EIF4A2: variants seen among roughly 807,000 people sequenced by gnomAD.
EIF4A2 encodes eukaryotic translation initiation factor 4A2.
In EIF4A2, 9 loss-of-function variants were observed where a neutral mutation model predicts 50.6. The observed-to-expected ratio is 0.18, with a 90% CI of 0.11 to 0.31. The LOEUF is 0.31. Ranked by LOEUF, EIF4A2 falls within the 10% of genes least tolerant of loss-of-function variation. The probability of loss-of-function intolerance (pLI) is 1.00; values close to 1 mark genes in which losing one functional copy is unlikely to be tolerated. For missense variants in EIF4A2, 182 were observed against 501.8 expected (o/e 0.36, Z 6.09); for synonymous variants, 215 against 164.4 (o/e 1.31, Z -2.35).
chr3:186,788,568 T>C (rs1418345486), intron 10 of EIF4A2: 3 of 543,434 alleles, frequency 5.5e-6, no homozygotes, highest in East Asian at 1.5e-4. Flanking sequence ...GGTAGCTGTT[T>C]GGCAGTTAAA....
chr3:186,784,201 G>A (rs978373993), intron 1 of EIF4A2: 4 of 597,582 alleles, frequency 6.7e-6, no homozygotes, highest in African/African-American at 3.7e-5. Flanking sequence ...GAGACGCTCC[G>A]CAGTTGAAAC....
chr3:186,783,784 C>T, intron 1 of EIF4A2, 145 bp downstream of exon 1: 2 of 1,326,258 alleles, frequency 1.5e-6, no homozygotes, highest in Non-Finnish European at 2.1e-6. Context: ...CAGAAGCTTC[C>T]ATGATGGGTA....
In EIF4A2 at chr3:186,784,565, G is replaced by C. The variant is rs1169693407; in HGVS notation, c.77G>C (p.Ser26Thr). 1 of 1,614,064 alleles carries C rather than the reference G, an allele frequency of 6.2e-7. No individual in the cohort carries two copies. The highest frequency in any genetic ancestry group is 8.5e-7 in the Non-Finnish European group (1 of 1,180,004). ...EGMDPDGVIE[S>T]NWNEIVDNFD... ...TGCATTATTTTTTCTAACTTACAGA[G>C]CAACTGGAATGAGATTGTTGATAAC... Residue 26 changes from serine (S) to threonine (T), a missense_variant and splice_region_variant, in exon 3 of 11, where the codon AGC becomes ACC. Physicochemically the swap from Ser to Thr is moderately conservative, Grantham distance 58 (BLOSUM62 1). Around this residue, in one of 7 missense-constraint regions of EIF4A2, gnomAD observed 113 missense variants for 357.3 expected, o/e 0.32. Coordinates refer to ENST00000323963, the MANE Select transcript of EIF4A2 (RefSeq NM_001967.4).
rs1168455478 is a variant in EIF4A2, at chr3:186,786,654, C to T, written c.771+9C>T. 3 of 1,613,398 alleles carry T rather than the reference C, an allele frequency of 1.9e-6. No individual in the cohort carries two copies. Among genetic ancestry groups the T allele is most frequent in the Admixed American group, 1.7e-5 (1 of 59,982 alleles). On this transcript the variant is annotated intron_variant, in intron 7 of 10. Transcript: ENST00000323963. ...TTAATGTTGAGAGAGAGGTAACTGT[C>T]TGATTGTTAGACATTATTTTACCTT... is the stretch of plus-strand genomic sequence containing the variant.
At position 186,783,627 on chromosome 3, in the gene EIF4A2, C is replaced by T. The variant is rs1721494637; in HGVS notation, c.17C>T (p.Ala6Val). ...TTTCGGATCATGTCTGGTGGCTCCG[C>T]GGATTATAACAGGTATGCAGTCTGT... MSGGS[A>V]DYNREHGGPE... Residue 6 changes from alanine to valine, a missense_variant, in exon 1 of 11, where the codon GCG (alanine) becomes GTG (valine). Transcript: ENST00000323963. 6 of 1,614,104 alleles carry T rather than the reference C, an allele frequency of 3.7e-6. No homozygotes were observed. The highest frequency in any genetic ancestry group is 1.1e-5 in the South Asian group (1 of 91,086).
chr3:186,784,531 A>G (rs1220232981), intron 2 of EIF4A2, 33 bp from the exon 3 acceptor site: 5 of 1,614,076 alleles, frequency 3.1e-6, no homozygotes, highest in African/African-American at 2.7e-5. Context: ...TGTTCATCTC[A>G]TTTATGCGTG....
Position 186,783,591 on chromosome 3 carries a change from G to C in EIF4A2, c.-20G>C, listed in dbSNP as rs374957035. On this transcript the variant is annotated 5_prime_UTR_variant, in exon 1 of 11. Coordinates refer to ENST00000323963, the MANE Select transcript of EIF4A2 (RefSeq NM_001967.4). Reference sequence around the variant, plus strand: ...GGCGCCGCTGTCTTTTCAGTCGGGCGCTGAGTGGTTTTTCGGATCATGTCT... The same window carrying C: ...GGCGCCGCTGTCTTTTCAGTCGGGCCCTGAGTGGTTTTTCGGATCATGTCT... The C allele has an allele frequency of 6.2e-7, 1 of 1,614,174 alleles. No homozygotes were observed. The highest frequency in any genetic ancestry group is 8.5e-7 in the Non-Finnish European group (1 of 1,180,040).
chr3:186,787,459 C>G (rs1249152203), intron 8 of EIF4A2, 36 bp from the exon 9 acceptor site: 4 of 1,611,708 alleles, frequency 2.5e-6, no homozygotes, highest in Non-Finnish European at 3.4e-6. Context: ...ACCGACCTGA[C>G]TGGTGATTCT....
chr3:186,786,650 C>G lies in EIF4A2; in HGVS notation c.771+5C>G, dbSNP rs181852973. On this transcript the variant is annotated splice_donor_5th_base_variant and intron_variant, in intron 7 of 10. Transcript: ENST00000323963. ...TATATTAATGTTGAGAGAGAGGTAA[C>G]TGTCTGATTGTTAGACATTATTTTA... The G allele has an allele frequency of 5.0e-6, 8 of 1,613,612 alleles. No homozygotes were observed. The highest frequency in any genetic ancestry group is 1.7e-5 in the Admixed American group (1 of 59,990).
rs189908673 is a variant in EIF4A2 at position 186,787,933 on chromosome 3, A to G, written c.1079+51A>G. ...TTGAAAAAAATTCATACGTTTTTCT[A>G]CTGTGATTTGTATGAAAGGTAACAT... On this transcript the variant is annotated intron_variant, in intron 10 of 10. Coordinates refer to ENST00000323963, the MANE Select transcript of EIF4A2 (RefSeq NM_001967.4). The G allele has an allele frequency of 2.1e-3, 3,242 of 1,578,944 alleles. 19 individuals carry two copies. The highest frequency in any genetic ancestry group is 8.2e-3 in the South Asian group (738 of 89,712).
rs1721980579 is a variant in EIF4A2 at position 186,789,120 on chromosome 3, C to A, written c.1080-5C>A. On this transcript the variant is annotated splice_region_variant and splice_polypyrimidine_tract_variant and intron_variant, in intron 10 of 10. Transcript: ENST00000323963. ...AGTAACGTTCTGATTCTTTTTCTTA[C>A]ACAGAATTGGCAGAGGGGGTCGATT... 6.2e-7 allele frequency: 1 copy of A among 1,611,004 alleles called. No homozygotes were observed. The highest frequency in any genetic ancestry group is 1.3e-5 in the African/African-American group (1 of 74,668).
Position 186,789,036 on chromosome 3 carries a change from C to G in EIF4A2, c.1080-89C>G, listed in dbSNP as rs539148035. Reference sequence around the variant, plus strand: ...ACGAACTATAACCTTGATAAGTAAACAGCAGCTGGTGGTTAACAAGTGGAT... The same window carrying G: ...ACGAACTATAACCTTGATAAGTAAAGAGCAGCTGGTGGTTAACAAGTGGAT... On this transcript the variant is annotated intron_variant, in intron 10 of 10. Coordinates refer to ENST00000323963, the MANE Select transcript of EIF4A2 (RefSeq NM_001967.4). 4 of 1,490,212 alleles carry G rather than the reference C, an allele frequency of 2.7e-6. No individual in the cohort carries two copies. In the South Asian group the frequency reaches 5.5e-5, roughly 21 times the overall value. 92.3% of individuals were successfully genotyped at this position (1,490,212 alleles called of 1,614,324 possible).
rs199724027 is a variant in EIF4A2, at chr3:186,784,954, T to C, written c.209-8T>C. On this transcript the variant is annotated splice_polypyrimidine_tract_variant and splice_region_variant and intron_variant, in intron 3 of 10. Transcript: ENST00000323963. ...GGGATCGGTAAATGTGTATCCTACT[T>C]TTTTTAGGGTATGATGTGATTGCTC... is the stretch of plus-strand genomic sequence containing the variant. 5.0e-6 allele frequency: 8 copies of C among 1,614,224 alleles called. No homozygotes were observed. Among genetic ancestry groups the C allele is most frequent in the Admixed American group, 1.7e-5 (1 of 60,026 alleles).
chr3:186,788,497 G>A (rs1721907096), intron 10 of EIF4A2: 1 of 1,140,216 alleles, frequency 8.8e-7, no homozygotes, highest in Non-Finnish European at 1.1e-6. Context: ...TTTTGTATTA[G>A]TATTTCTATT....
At chr3:186,788,973 C>G (rs1327721948) in intron 10 of EIF4A2, 152 bp from the exon 11 acceptor site, 2 of 1,107,530 alleles carry the variant, frequency 1.8e-6, no homozygotes, top group Non-Finnish European at 2.5e-6. Context: ...ATTTTTTTCT[C>G]TAGATATGCA....
In EIF4A2 at chr3:186,786,258, A is replaced by C. The variant is rs1160494573; in HGVS notation, c.612A>C (p.Leu204=). 1 of 1,613,514 alleles carries C rather than the reference A, an allele frequency of 6.2e-7. No individual in the cohort carries two copies. Among genetic ancestry groups the C allele is most frequent in the African/African-American group, 1.3e-5 (1 of 74,932 alleles). ...AAATCTATGAGATTTTCCAAAAACT[A>C]AACACAAGTATTCAGGTAAGCATTA... ...KDQIYEIFQK[L]NTSIQVVLLS... The change falls in exon 6 of 11, where the codon CTA becomes CTC. Residue 204 remains leucine (L), a synonymous_variant. Coordinates refer to ENST00000323963, the MANE Select transcript of EIF4A2 (RefSeq NM_001967.4).
intron 6 of EIF4A2, 36 bp from the exon 7 acceptor site, chr3:186,786,466 G>C (rs770191956): frequency 1.2e-6 from 2 of 1,605,910 alleles, no homozygotes; most frequent in East Asian, 2.2e-5. Context: ...GTATTAATGT[G>C]TAAGTTGTGC....
At position 186,784,421 on chromosome 3, in the gene EIF4A2, C is replaced by A; in HGVS notation, c.30-11C>A. The stretch of plus-strand genomic sequence containing the variant: ...GGAAGGGGTGTCTGACTGCAGTATT[C>A]TTGTCAGCAGAGAACATGGCGGCCC... On this transcript the variant is annotated splice_polypyrimidine_tract_variant and intron_variant, in intron 1 of 10. Coordinates refer to ENST00000323963, the MANE Select transcript of EIF4A2 (RefSeq NM_001967.4). 6.2e-7 allele frequency: 1 copy of A among 1,614,176 alleles called. No homozygotes were observed. The highest frequency in any genetic ancestry group is 8.5e-7 in the Non-Finnish European group (1 of 1,180,036).
In EIF4A2 at chr3:186,787,891, C is replaced by A; in HGVS notation, c.1079+9C>A. Reference sequence around the variant, plus strand: ...GAAAACTATATTCACAGGTGAGAAGCCAGCATCTTGGCTGTATTGAAAAAA... The same window carrying A: ...GAAAACTATATTCACAGGTGAGAAGACAGCATCTTGGCTGTATTGAAAAAA... On this transcript the variant is annotated intron_variant, in intron 10 of 10. Coordinates refer to ENST00000323963, the MANE Select transcript of EIF4A2 (RefSeq NM_001967.4). The A allele has an allele frequency of 6.2e-7, 1 of 1,613,234 alleles. No individual in the cohort carries two copies. The highest frequency in any genetic ancestry group is 8.5e-7 in the Non-Finnish European group (1 of 1,179,796).
Sources: allele counts gnomAD v4.1 joint callset, GRCh38; gene constraint gnomAD v4.1.1; regional missense constraint gnomAD v4.1.1; transcripts MANE v1.5; gene names NCBI Gene and HGNC (gene_info 2026-07-23, HGNC 2026-07-21).